SAMD3: variants seen among roughly 807,000 people sequenced by gnomAD.
SAMD3 encodes sterile alpha motif domain containing 3.
In SAMD3, 63 loss-of-function variants were observed where a neutral mutation model predicts 58.5. The ratio of observed to expected loss-of-function variants is 1.08; its 90% CI spans 0.88 to 1.33. The LOEUF is 1.33. Among genes scored for constraint, SAMD3 ranks in the 40% most tolerant of loss-of-function variants. The pLI is 0.00. For missense variants in SAMD3, 604 were observed against 608.4 expected (o/e 0.99, Z 0.08); for synonymous variants, 220 against 210.3 (o/e 1.05, Z -0.40).
intron 8 of SAMD3, chr6:130,161,079 A>G (rs755694874): frequency 2.6e-5 from 4 of 152,118 alleles, no homozygotes; most frequent in Non-Finnish European, 4.4e-5. Context: ...AATTCAGAAT[A>G]GTGATTAGTT....
intron 2 of SAMD3, among the ~76,000 whole-genome samples, chr6:130,240,717 T>A (rs1773326237): frequency 6.6e-6 from 1 of 152,122 alleles, no homozygotes; most frequent in Non-Finnish European, 1.5e-5. Flanking sequence ...TTTGATTCTC[T>A]CTCTTCTGCC....
chr6:130,160,428 A>G (rs1790186002), intron 8 of SAMD3: 1 of 152,218 alleles, frequency 6.6e-6, no homozygotes, highest in South Asian at 2.1e-4. Context: ...AACAAGCAAA[A>G]CTAGAATTTG....
chr6:130,329,965 T>C (rs1776877374), intron 1 of SAMD3, among the ~76,000 whole-genome samples: 1 of 152,056 alleles, frequency 6.6e-6, no homozygotes, highest in Non-Finnish European at 1.5e-5. Flanking sequence ...ACTTAATGCA[T>C]GCAGGGCTTA....
chr6:130,288,009 A>G (rs10872358), intron 2 of SAMD3, among the ~76,000 whole-genome samples: 42,108 of 151,734 alleles, frequency 0.28, 6,295 homozygotes, highest in East Asian at 0.44. Flanking sequence ...CAGGTGGCAC[A>G]AGCTTCCAGC....
intron 1 of SAMD3, among the ~76,000 whole-genome samples, chr6:130,355,244 T>C (rs1777791530): frequency 6.6e-6 from 1 of 152,180 alleles, no homozygotes; most frequent in Admixed American, 6.5e-5. Flanking sequence ...GCCAACATGG[T>C]GAAACCCCGT....
intron 8 of SAMD3, among the ~76,000 whole-genome samples, chr6:130,157,049 A>C (rs1789843903): frequency 6.6e-6 from 1 of 151,422 alleles, no homozygotes; most frequent in African/African-American, 2.4e-5. Flanking sequence ...CAGCCTAGGC[A>C]ACAGAGTGAG....
intron 2 of SAMD3, among the ~76,000 whole-genome samples, chr6:130,296,624 G>A (rs1775579211): frequency 6.6e-6 from 1 of 152,164 alleles, no homozygotes; most frequent in Non-Finnish European, 1.5e-5. Flanking sequence ...CTGAAAGTGA[G>A]TCCATGCCGT....
chr6:130,332,553 T>C (rs902229363), intron 1 of SAMD3, among the ~76,000 whole-genome samples: 50 of 152,108 alleles, frequency 3.3e-4, no homozygotes, highest in Non-Finnish European at 5.1e-4. Context: ...CTCAAGTATA[T>C]TGAATAACAT....
intron 5 of SAMD3, among the ~76,000 whole-genome samples, chr6:130,193,204 C>G (rs1205900973): frequency 6.6e-6 from 1 of 151,988 alleles, no homozygotes; most frequent in Non-Finnish European, 1.5e-5. Context: ...AGTACCCCAA[C>G]CCCTTCTCTC....
chr6:130,288,593 G>A lies in SAMD3; in HGVS notation c.-188+24385C>T, dbSNP rs75643616. On this transcript the variant is annotated intron_variant, in intron 2 of 13. Transcript: ENST00000368134. Reference sequence around the variant, plus strand: ...AGGGACAGGTGAAAGTTCGGCTTTGGGTAGGAGGAGGGTCACCTCCACCAA... The same window carrying A: ...AGGGACAGGTGAAAGTTCGGCTTTGAGTAGGAGGAGGGTCACCTCCACCAA... Among the ~76,000 whole-genome samples the A allele has an allele frequency of 7.2e-3, 1,093 of 152,324 alleles. 17 individuals are homozygous for A. Among genetic ancestry groups the A allele is most frequent in the African/African-American group, 0.024 (992 of 41,574 alleles).
At chr6:130,228,439 G>T (rs1342520064) in intron 2 of SAMD3, among the ~76,000 whole-genome samples, 1 of 152,160 alleles carries the variant, frequency 6.6e-6, no homozygotes, top group Non-Finnish European at 1.5e-5. Context: ...ACCAGAAATG[G>T]ACGGGCACAG....
At position 130,184,474 on chromosome 6, in the gene SAMD3, A is replaced by G. The variant is rs1293185433; in HGVS notation, c.533T>C (p.Leu178Pro). The G allele has an allele frequency of 4.3e-6, 7 of 1,614,118 alleles. No individual in the cohort carries two copies. The highest frequency in any genetic ancestry group is 5.9e-6 in the Non-Finnish European group (7 of 1,180,000). The change falls in exon 6 of 12, where the codon CTC becomes CCC. Residue 178 changes from leucine to proline, a missense_variant. By Grantham distance (98) the Leu-to-Pro change is moderately conservative. Transcript: ENST00000439090. The stretch of plus-strand genomic sequence containing the variant: ...CAGATACTTAGTCATGTCGGCCTGG[A>G]GAAACTCAATGATCCTTATCCTCAT... ...HSMRIRIIEF[L>P]QADMTKYLEG...
chr6:130,304,518 C>A (rs1775851029), intron 2 of SAMD3, among the ~76,000 whole-genome samples: 1 of 152,172 alleles, frequency 6.6e-6, no homozygotes, highest in Non-Finnish European at 1.5e-5. Context: ...TTTAGTTCCA[C>A]TGAACACATT....
chr6:130,220,721 G>T (rs1796184532), intron 1 of SAMD3, among the ~76,000 whole-genome samples: 1 of 152,162 alleles, frequency 6.6e-6, no homozygotes, highest in South Asian at 2.1e-4. Flanking sequence ...AACGAAAAAT[G>T]CTTGACAAAA....
intron 7 of SAMD3, among the ~76,000 whole-genome samples, chr6:130,182,318 G>T (rs1792430574): frequency 6.6e-6 from 1 of 151,996 alleles, no homozygotes; most frequent in South Asian, 2.1e-4. Flanking sequence ...ATATGCAGCA[G>T]CATATTTTGG....
intron 2 of SAMD3, among the ~76,000 whole-genome samples, chr6:130,247,731 G>A (rs1160990384): frequency 6.6e-6 from 1 of 152,124 alleles, no homozygotes; most frequent in Non-Finnish European, 1.5e-5. Flanking sequence ...TAATCATATA[G>A]TTGATGAGTT....
At chr6:130,195,387 A>T (rs910529260) in intron 5 of SAMD3, among the ~76,000 whole-genome samples, 7 of 152,194 alleles carry the variant, frequency 4.6e-5, no homozygotes, top group Non-Finnish European at 1.0e-4. Flanking sequence ...CTGCTACAGC[A>T]TGGTGTTTTA....
intron 8 of SAMD3, among the ~76,000 whole-genome samples, chr6:130,165,440 C>T (rs894967263): frequency 1.3e-5 from 2 of 152,094 alleles, no homozygotes; most frequent in South Asian, 2.1e-4. Flanking sequence ...AGCCAAGGCT[C>T]CAGCTGAGAT....
intron 4 of SAMD3, among the ~76,000 whole-genome samples, chr6:130,211,797 A>AT (rs1450077509): frequency 6.6e-6 from 1 of 151,860 alleles, no homozygotes; most frequent in African/African-American, 2.4e-5. Flanking sequence ...CCTTGGCAAA[A>AT]TAAACTTTCT....
Sources: allele counts gnomAD v4.1 joint callset (sites outside exome capture counted in the v4.1 genomes callset), GRCh38; gene constraint gnomAD v4.1.1; transcripts MANE v1.5; gene names NCBI Gene and HGNC (gene_info 2026-07-23, HGNC 2026-07-21).